ADAMTS3: variants seen among roughly 807,000 people sequenced by gnomAD.
The protein encoded by ADAMTS3 is ADAM metallopeptidase with thrombospondin type 1 motif 3, also known as A disintegrin and metalloproteinase with thrombospondin motifs 3.
Under a neutral mutation model 129.0 loss-of-function variants are expected in ADAMTS3, and 73 were observed. The observed-to-expected ratio is 0.57, with a 90% CI of 0.47 to 0.69. The LOEUF (loss-of-function observed/expected upper bound fraction) is 0.69. Ranked by LOEUF, ADAMTS3 falls within the 30% of genes least tolerant of loss-of-function variation. The probability of loss-of-function intolerance (pLI) is 0.00; values close to 1 mark genes in which losing one functional copy is unlikely to be tolerated. For missense variants in ADAMTS3, 1,457 were observed against 1,514.5 expected (o/e 0.96, Z 0.63); for synonymous variants, 477 against 510.8 (o/e 0.93, Z 0.89).
intron 4 of ADAMTS3, 116 bp downstream of exon 4, chr4:72,414,699 C>T (rs1722261088): frequency 1.3e-6 from 1 of 785,166 alleles, no homozygotes; most frequent in Non-Finnish European, 1.8e-6. Flanking sequence ...ACTTCTTTTT[C>T]TATCTCCGCG....
chr4:72,343,512 C>T (rs1720193520), intron 4 of ADAMTS3, among the ~76,000 whole-genome samples: 1 of 152,144 alleles, frequency 6.6e-6, no homozygotes, highest in African/African-American at 2.4e-5. Flanking sequence ...GATCGTGTCT[C>T]CCAACAATCA....
At chr4:72,545,570 C>T (rs1721444146) in intron 3 of ADAMTS3, among the ~76,000 whole-genome samples, 3 of 152,128 alleles carry the variant, frequency 2.0e-5, no homozygotes, top group Admixed American at 1.3e-4. Context: ...GAGTTTTAAG[C>T]GTCTTCCAGT....
chr4:72,499,858 T>C (rs1026243761), intron 3 of ADAMTS3, among the ~76,000 whole-genome samples: 4 of 152,132 alleles, frequency 2.6e-5, no homozygotes, highest in African/African-American at 9.7e-5. Context: ...GTCACCCTTA[T>C]AAGTAAGAAC....
Position 72,448,185 on chromosome 4 carries a change from G to A in ADAMTS3, c.505-33214C>T, listed in dbSNP as rs567561627. ...TTTCCATAAGACATTTTATTTTTAA[G>A]TTTGCCAAAATCACGTATATTTTCA... On this transcript the variant is annotated intron_variant, in intron 3 of 21. Coordinates refer to ENST00000286657, the MANE Select transcript of ADAMTS3 (RefSeq NM_014243.3). Among the ~76,000 whole-genome samples, 3 of 151,804 alleles carry A rather than the reference G, an allele frequency of 2.0e-5. No homozygotes were observed. The East Asian group carries it at 5.9e-4, about 30-fold the overall frequency.
intron 3 of ADAMTS3, among the ~76,000 whole-genome samples, chr4:72,428,229 A>G (rs974083135): frequency 2.6e-5 from 4 of 152,060 alleles, no homozygotes; most frequent in Admixed American, 6.6e-5. Context: ...AATCTCTAGT[A>G]AAATGCTTTT....
At chr4:72,326,284 G>C (rs576162469) in intron 5 of ADAMTS3, among the ~76,000 whole-genome samples, 1 of 152,100 alleles carries the variant, frequency 6.6e-6, no homozygotes, top group Admixed American at 6.6e-5. Flanking sequence ...ACAAAGCACT[G>C]TATCTTATTA....
At chr4:72,539,648 C>A (rs1721272694) in intron 3 of ADAMTS3, among the ~76,000 whole-genome samples, 1 of 152,190 alleles carries the variant, frequency 6.6e-6, no homozygotes, top group African/African-American at 2.4e-5. Flanking sequence ...AACTGTAATT[C>A]CTACAATTCC....
chr4:72,394,485 T>C (rs1445192805), intron 4 of ADAMTS3, among the ~76,000 whole-genome samples: 1 of 152,174 alleles, frequency 6.6e-6, no homozygotes, highest in Non-Finnish European at 1.5e-5. Context: ...CTCTGTCTCT[T>C]GCGTGAATTC....
chr4:72,537,504 G>C (rs1347559791), intron 3 of ADAMTS3, among the ~76,000 whole-genome samples: 2 of 151,986 alleles, frequency 1.3e-5, no homozygotes, highest in Non-Finnish European at 2.9e-5. Flanking sequence ...AAGTCATTGT[G>C]CATGCCCAGG....
rs767404398 is a variant in ADAMTS3, at chr4:72,290,850, C to T, written c.2931+5G>A. 3.7e-6 allele frequency: 6 copies of T among 1,613,600 alleles called. No individual in the cohort carries two copies. Among genetic ancestry groups the T allele is most frequent in the Non-Finnish European group, 5.1e-6 (6 of 1,179,742 alleles). On this transcript the variant is annotated splice_donor_5th_base_variant and intron_variant, in intron 20 of 21. Transcript: ENST00000286657. ...CTTATGCATGCACGGAATTCACACA[C>T]CTACCTCACTCCAGGGTCCTGTTTT...
At chr4:72,507,814 ATCTG>A (rs1244377945) in intron 3 of ADAMTS3, among the ~76,000 whole-genome samples, 1 of 152,198 alleles carries the variant, frequency 6.6e-6, no homozygotes, top group Non-Finnish European at 1.5e-5. Flanking sequence ...TCCACAGGCT[ATCTG>A]TCTATTTTCT....
At chr4:72,362,468 T>C (rs1720754269) in intron 4 of ADAMTS3, among the ~76,000 whole-genome samples, 1 of 152,196 alleles carries the variant, frequency 6.6e-6, no homozygotes, top group Admixed American at 6.5e-5. Flanking sequence ...TTCATTTAGA[T>C]ATTACGAAAG....
intron 20 of ADAMTS3, 89 bp downstream of exon 20, chr4:72,290,766 A>G (rs767130621): frequency 2.4e-5 from 33 of 1,358,944 alleles, no homozygotes; most frequent in Non-Finnish European, 3.1e-5. Context: ...GTTCACACAA[A>G]GCCTAACTGA....
At chr4:72,310,193 C>T (rs2109795568) in intron 14 of ADAMTS3, among the ~76,000 whole-genome samples, 1 of 152,140 alleles carries the variant, frequency 6.6e-6, no homozygotes, top group African/African-American at 2.4e-5. Context: ...TACATTTTCC[C>T]TTGAAACAGG....
At position 72,426,742 on chromosome 4, in the gene ADAMTS3, A is replaced by G. The variant is rs147288892; in HGVS notation, c.505-11771T>C. On this transcript the variant is annotated intron_variant, in intron 3 of 21. Coordinates refer to ENST00000286657, the MANE Select transcript of ADAMTS3 (RefSeq NM_014243.3). ...CTCTACAAAAATAAACAAATAAATT[A>G]TCCAGGCATATAGGCATGTACCTGT... is the stretch of plus-strand genomic sequence containing the variant. Among the ~76,000 whole-genome samples the G allele has an allele frequency of 1.3e-3, 196 of 152,090 alleles. 3 individuals carry two copies. Among genetic ancestry groups the G allele is most frequent in the Admixed American group, 7.7e-3 (118 of 15,252 alleles).
intron 3 of ADAMTS3, among the ~76,000 whole-genome samples, chr4:72,529,730 T>C (rs1348781553): frequency 3.1e-5 from 3 of 96,906 alleles, no homozygotes; most frequent in African/African-American, 1.2e-4. Context: ...TATTAATTAA[T>C]ATATATTTAT....
intron 2 of ADAMTS3, among the ~76,000 whole-genome samples, chr4:72,563,382 C>G (rs535218903): frequency 3.3e-5 from 5 of 152,196 alleles, no homozygotes; most frequent in African/African-American, 1.2e-4. Context: ...CCCCCTAAAC[C>G]TCCTTCACCA....
At chr4:72,337,990 C>T (rs985341664) in intron 5 of ADAMTS3, among the ~76,000 whole-genome samples, 12 of 151,928 alleles carry the variant, frequency 7.9e-5, no homozygotes, top group African/African-American at 2.2e-4. Flanking sequence ...TAATGAATGA[C>T]GTAAGAATAA....
intron 4 of ADAMTS3, among the ~76,000 whole-genome samples, chr4:72,401,708 G>C (rs1346414946): frequency 6.6e-6 from 1 of 151,448 alleles, no homozygotes; most frequent in East Asian, 1.9e-4. Context: ...ACAAAGGAAA[G>C]ATGTAGTTGT....
Sources: gnomAD v4.1 joint callset for allele counts (sites outside exome capture counted in the v4.1 genomes callset) on GRCh38, gnomAD v4.1.1 for gene constraint, MANE v1.5 for transcripts, NCBI Gene and HGNC (gene_info 2026-07-23, HGNC 2026-07-21) for gene names.